AUTS2: variants seen among roughly 807,000 people sequenced by gnomAD.
The protein encoded by AUTS2 is activator of transcription and developmental regulator AUTS2, also known as autism susceptibility gene 2 protein.
In AUTS2, 17 loss-of-function variants were observed where a neutral mutation model predicts 112.4. That is an observed-to-expected ratio of 0.15 (90% CI 0.10 to 0.23). AUTS2 has a LOEUF of 0.23. Ranked by LOEUF, AUTS2 falls within the 10% of genes least tolerant of loss-of-function variation. AUTS2 has a pLI of 1.00. For missense variants in AUTS2, 1,510 were observed against 1,701.6 expected (o/e 0.89, Z 1.98); for synonymous variants, 751 against 702.7 (o/e 1.07, Z -1.09).
chr7:70,671,026 G>C (rs1206420551), intron 5 of AUTS2, among the ~76,000 whole-genome samples: 1 of 152,160 alleles, frequency 6.6e-6, no homozygotes, highest in African/African-American at 2.4e-5. Context: ...ACAAAAATTA[G>C]CTAGGTGTGG....
chr7:70,372,008 A>G (rs1248316699), intron 4 of AUTS2, among the ~76,000 whole-genome samples: 4 of 152,176 alleles, frequency 2.6e-5, no homozygotes, highest in Non-Finnish European at 4.4e-5. Flanking sequence ...TCTAGTCACA[A>G]AACTGGAAAG....
intron 2 of AUTS2, among the ~76,000 whole-genome samples, chr7:70,108,328 A>G (rs1258893118): frequency 1.3e-5 from 2 of 152,246 alleles, no homozygotes; most frequent in Non-Finnish European, 2.9e-5. Flanking sequence ...TAATTATTCA[A>G]TTAAAATGGA....
intron 1 of AUTS2, among the ~76,000 whole-genome samples, chr7:69,674,746 G>T (rs1489959000): frequency 6.6e-6 from 1 of 152,084 alleles, no homozygotes; most frequent in Non-Finnish European, 1.5e-5. Context: ...GTGTGGTGAG[G>T]ATGAACTGTT....
At chr7:70,156,519 T>C (rs1466924476) in intron 4 of AUTS2, among the ~76,000 whole-genome samples, 1 of 152,100 alleles carries the variant, frequency 6.6e-6, no homozygotes, top group Admixed American at 6.5e-5. Context: ...CTTTGGACTT[T>C]AGGTGAACTC....
intron 4 of AUTS2, chr7:70,290,333 T>C: frequency 6.8e-7 from 1 of 1,462,360 alleles, no homozygotes; most frequent in South Asian, 1.5e-5. Flanking sequence ...TAACATTCTT[T>C]TGAATCATTT....
rs140885299 is a variant in AUTS2, at chr7:70,386,587, A to G, written c.661-49165A>G. On this transcript the variant is annotated intron_variant, in intron 4 of 18. Coordinates refer to ENST00000342771, the MANE Select transcript of AUTS2 (RefSeq NM_015570.4). ...TGGATTTGCCTATTCTGAACATTTC[A>G]TCTCTGAAATATCCTAAAGTGACTG... Among the ~76,000 whole-genome samples, 566 of 152,300 alleles carry G rather than the reference A, an allele frequency of 3.7e-3. 3 individuals carry two copies. The highest frequency in any genetic ancestry group is 0.012 in the African/African-American group (518 of 41,548).
chr7:70,543,390 G>T (rs1306085928), intron 5 of AUTS2, among the ~76,000 whole-genome samples: 1 of 151,956 alleles, frequency 6.6e-6, no homozygotes, highest in African/African-American at 2.4e-5. Context: ...CTCGGGAGGG[G>T]TGGTGGCGGG....
At chr7:70,425,704 T>C (rs981352678) in intron 4 of AUTS2, among the ~76,000 whole-genome samples, 1 of 152,212 alleles carries the variant, frequency 6.6e-6, no homozygotes, top group African/African-American at 2.4e-5. Context: ...TTGTATATGT[T>C]AAATTAGCAA....
intron 4 of AUTS2, among the ~76,000 whole-genome samples, chr7:70,235,338 A>C (rs1051551057): frequency 6.6e-6 from 1 of 151,786 alleles, no homozygotes; most frequent in African/African-American, 2.4e-5. Flanking sequence ...GGATCTGACT[A>C]TATTGCCCAG....
intron 2 of AUTS2, among the ~76,000 whole-genome samples, chr7:69,904,044 T>C (rs1795065034): frequency 6.6e-6 from 1 of 152,196 alleles, no homozygotes; most frequent in Non-Finnish European, 1.5e-5. Context: ...CATTTAAAAT[T>C]AGAGTGATTA....
chr7:69,848,103 G>A (rs1042404423), intron 1 of AUTS2, among the ~76,000 whole-genome samples: 2 of 152,152 alleles, frequency 1.3e-5, no homozygotes, highest in African/African-American at 4.8e-5. Context: ...CATAGATCCC[G>A]TGGTTTGCTG....
chr7:70,548,068 CT>C (rs1043110215), intron 5 of AUTS2, among the ~76,000 whole-genome samples: 1 of 152,128 alleles, frequency 6.6e-6, no homozygotes, highest in African/African-American at 2.4e-5. Flanking sequence ...CAACTTTGTT[CT>C]TTTTCAAGAT....
At chr7:70,386,484 A>G in intron 4 of AUTS2, among the ~76,000 whole-genome samples, 1 of 152,168 alleles carries the variant, frequency 6.6e-6, no homozygotes, top group East Asian at 1.9e-4. Context: ...ATTCTAGAAC[A>G]TTTTCATCAA....
intron 5 of AUTS2, among the ~76,000 whole-genome samples, chr7:70,504,339 C>T (rs1264689793): frequency 1.3e-5 from 2 of 151,538 alleles, no homozygotes; most frequent in African/African-American, 4.8e-5. Flanking sequence ...ACACCTTTGC[C>T]ACACAATCAG....
chr7:70,205,601 A>T (rs1291795802), intron 4 of AUTS2, among the ~76,000 whole-genome samples: 1 of 152,208 alleles, frequency 6.6e-6, no homozygotes, highest in East Asian at 1.9e-4. Flanking sequence ...TTTGTAGCCT[A>T]GGAGCAATAG....
chr7:69,988,315 A>T (rs1327789325), intron 2 of AUTS2, among the ~76,000 whole-genome samples: 1 of 152,082 alleles, frequency 6.6e-6, no homozygotes, highest in African/African-American at 2.4e-5. Context: ...GTCTATCAAG[A>T]GTGTGTGTGT....
At chr7:70,523,818 C>T (rs1799736961) in intron 5 of AUTS2, among the ~76,000 whole-genome samples, 1 of 152,206 alleles carries the variant, frequency 6.6e-6, no homozygotes, top group South Asian at 2.1e-4. Context: ...GCACTGGAAA[C>T]ATCACCTGAG....
In AUTS2 at chr7:70,789,972, A is replaced by G. The variant is rs946416893; in HGVS notation, c.2756A>G (p.Lys919Arg). The G allele has an allele frequency of 1.2e-6, 2 of 1,612,696 alleles. No individual in the cohort carries two copies. Among genetic ancestry groups the G allele is most frequent in the South Asian group, 1.1e-5 (1 of 90,982 alleles). The change falls in exon 19 of 19, where the codon AAG (lysine) becomes AGG (arginine). Residue 919 changes from lysine to arginine, a missense_variant. Transcript: ENST00000342771. The part of the protein sequence containing the change: ...HKAKEGHLPE[K>R]DGHGHEGRAA... ...GCGAAAGAGGGCCACCTGCCCGAGAAGGACGGGCACGGCCACGAGGGGCGC... is the reference window on the plus strand; with the variant it reads ...GCGAAAGAGGGCCACCTGCCCGAGAGGGACGGGCACGGCCACGAGGGGCGC...
intron 1 of AUTS2, among the ~76,000 whole-genome samples, chr7:69,650,965 CT>C (rs1342203245): frequency 6.6e-6 from 1 of 152,218 alleles, no homozygotes; most frequent in African/African-American, 2.4e-5. Context: ...TCTTCCTCAT[CT>C]TTATATTCCC....
Sources: gnomAD v4.1 joint callset for allele counts (sites outside exome capture counted in the v4.1 genomes callset) on GRCh38, gnomAD v4.1.1 for gene constraint, MANE v1.5 for transcripts, NCBI Gene and HGNC (gene_info 2026-07-23, HGNC 2026-07-21) for gene names.